The following MYLK variants were observed in gnomAD, a reference collection of about 807,000 sequenced individuals.
MYLK encodes the protein myosin light chain kinase, smooth muscle.
In MYLK, 106 loss-of-function variants were observed where a neutral mutation model predicts 203.4. The observed-to-expected ratio is 0.52, with a 90% CI of 0.45 to 0.61. The LOEUF is 0.61. Ranked by LOEUF, MYLK falls within the 20% of genes least tolerant of loss-of-function variation. The pLI, the probability that MYLK is intolerant of heterozygous loss-of-function variation, is 0.00. For synonymous variants in MYLK, 867 were observed against 959.5 expected (o/e 0.90, Z 1.78); for missense variants, 2,072 against 2,442.3 (o/e 0.85, Z 3.20).
chr3:123,834,133 C>T (rs1486202599), intron 2 of MYLK, among the ~76,000 whole-genome samples: 3 of 152,146 alleles, frequency 2.0e-5, no homozygotes, highest in Non-Finnish European at 4.4e-5. Flanking sequence ...GCAACCTCTG[C>T]CTCCCATGTT....
chr3:123,663,403 G>C (rs966442835), intron 23 of MYLK, among the ~76,000 whole-genome samples: 1 of 152,108 alleles, frequency 6.6e-6, no homozygotes, highest in Non-Finnish European at 1.5e-5. Context: ...AATGGGGCGT[G>C]GGGGTGAGGC....
At chr3:123,728,639 C>G (rs1359612361) in intron 11 of MYLK, among the ~76,000 whole-genome samples, 1 of 152,180 alleles carries the variant, frequency 6.6e-6, no homozygotes, top group African/African-American at 2.4e-5. Flanking sequence ...TTGGTAAGAA[C>G]AGCAAGCTAT....
rs376329261 is a variant in MYLK at position 123,648,564 on chromosome 3, C to T, written c.4415+407G>A. Among the ~76,000 whole-genome samples, 7 of 152,264 alleles carry T rather than the reference C, an allele frequency of 4.6e-5. No homozygotes were observed. Among genetic ancestry groups the T allele is most frequent in the African/African-American group, 1.7e-4 (7 of 41,542 alleles). On this transcript the variant is annotated intron_variant, in intron 26 of 33. Coordinates refer to ENST00000360304, the MANE Select transcript of MYLK (RefSeq NM_053025.4). The surrounding 1 kb of genome is among the most constrained non-coding windows in gnomAD (Gnocchi z 4.5). Reference sequence around the variant, plus strand: ...ACGTGTGCCATGGTGGTTTGCTGCACCTAACACCCCACCATCTAGGTATTA... The same window carrying T: ...ACGTGTGCCATGGTGGTTTGCTGCATCTAACACCCCACCATCTAGGTATTA...
At position 123,640,588 on chromosome 3, in the gene MYLK, G is replaced by T. The variant is rs1028175198; in HGVS notation, c.4620-84C>A. 5.5e-6 allele frequency: 8 copies of T among 1,466,514 alleles called. No homozygotes were observed. Among genetic ancestry groups the T allele is most frequent in the Non-Finnish European group, 7.6e-6 (8 of 1,053,036 alleles). 90.8% of individuals were successfully genotyped at this position (1,466,514 alleles called of 1,614,324 possible). ...GGGAGTCTGGCCAGGGTAGGCTGGG[G>T]GTAGGAGAAATTGGCAGGAAAGCCC... On this transcript the variant is annotated intron_variant, in intron 27 of 33. Transcript: ENST00000360304. The surrounding 1 kb of genome is among the most constrained non-coding windows in gnomAD (Gnocchi z 4.3).
intron 2 of MYLK, among the ~76,000 whole-genome samples, chr3:123,861,658 C>A (rs928887297): frequency 1.3e-5 from 2 of 152,192 alleles, no homozygotes; most frequent in African/African-American, 4.8e-5. Flanking sequence ...GTGTGTCATT[C>A]ACTAACTACA....
chr3:123,770,481 C>T lies in MYLK; in HGVS notation c.166-17943G>A, dbSNP rs1258250398. ...CTTTTAAACATTATTTAACCTTAAG[C>T]CATATTAACAGAGCATGGTGTCCAC... On this transcript the variant is annotated intron_variant, in intron 4 of 33. Transcript: ENST00000360304. Among the ~76,000 whole-genome samples the T allele has an allele frequency of 3.3e-5, 5 of 152,280 alleles. No individual in the cohort carries two copies. The East Asian group carries it at 7.7e-4, about 24-fold the overall frequency.
In MYLK at chr3:123,879,396, G is replaced by A. The variant is rs113841435; in HGVS notation, c.-185-2779C>T. 9.0e-3 allele frequency among the ~76,000 whole-genome samples: 1,370 copies of A among 152,108 alleles called. 3 individuals carry two copies. Among genetic ancestry groups the A allele is most frequent in the African/African-American group, 0.016 (665 of 41,506 alleles). On this transcript the variant is annotated intron_variant, in intron 1 of 33. Coordinates refer to ENST00000360304, the MANE Select transcript of MYLK (RefSeq NM_053025.4). Reference sequence around the variant, plus strand: ...AAGGAGCTAACAGCCTTCAGACACCGGAGCCAAATGTTCCTGCCTTCCTCT... The same window carrying A: ...AAGGAGCTAACAGCCTTCAGACACCAGAGCCAAATGTTCCTGCCTTCCTCT...
rs1022369732 is a variant in MYLK at position 123,629,248 on chromosome 3, G to A, written c.5114+226C>T. ...AAGTCAGGTGTCTGAGCCTCTGAAGGTGAATCCCATGTCTAGCTCCAGGGG... is the reference window on the plus strand; with the variant it reads ...AAGTCAGGTGTCTGAGCCTCTGAAGATGAATCCCATGTCTAGCTCCAGGGG... On this transcript the variant is annotated intron_variant, in intron 30 of 33. Coordinates refer to ENST00000360304, the MANE Select transcript of MYLK (RefSeq NM_053025.4). This position sits in a 1 kb window ranked among gnomAD's most constrained non-coding sequence, Gnocchi z 4.4. Among the ~76,000 whole-genome samples, 66 of 152,188 alleles carry A rather than the reference G, an allele frequency of 4.3e-4. No homozygotes were observed. The highest frequency in any genetic ancestry group is 1.6e-3 in the African/African-American group (65 of 41,454).
At chr3:123,673,860 C>A (rs2059994814) in intron 20 of MYLK, among the ~76,000 whole-genome samples, 1 of 152,192 alleles carries the variant, frequency 6.6e-6, no homozygotes, top group Non-Finnish European at 1.5e-5. Context: ...ATGGGACAGG[C>A]AGGGAGGGCA....
intron 2 of MYLK, among the ~76,000 whole-genome samples, chr3:123,849,156 T>C (rs2030429414): frequency 1.3e-5 from 2 of 152,098 alleles, no homozygotes; most frequent in South Asian, 4.1e-4. Flanking sequence ...TTGTATTTTT[T>C]GTGGAGGCAG....
intron 4 of MYLK, among the ~76,000 whole-genome samples, chr3:123,759,430 T>C (rs1329578289): frequency 6.6e-6 from 1 of 152,168 alleles, no homozygotes; most frequent in Non-Finnish European, 1.5e-5. Context: ...TCAGACATAT[T>C]AAGTATTAAT....
At chr3:123,688,501 T>TC (rs528162412) in intron 19 of MYLK, among the ~76,000 whole-genome samples, 16 of 152,274 alleles carry the variant, frequency 1.1e-4, no homozygotes, top group Middle Eastern at 3.4e-3. Flanking sequence ...CCCATTGTGC[T>TC]CCCTGCTTTC....
Position 123,814,953 on chromosome 3 carries a change from TG to T in MYLK, c.-4+16594del, listed in dbSNP as rs1560252849. On this transcript the variant is annotated intron_variant, in intron 3 of 33. Coordinates refer to ENST00000360304, the MANE Select transcript of MYLK (RefSeq NM_053025.4). ...GACTACAGGCACCTGACACCATGCC[TG>T]GCTAATTTTTGTATTTTTAGTAGAG... Among the ~76,000 whole-genome samples, 5 of 151,984 alleles carry T rather than the reference TG, an allele frequency of 3.3e-5. No individual in the cohort carries two copies. The South Asian group carries it at 1.0e-3, about 32-fold the overall frequency.
intron 4 of MYLK, among the ~76,000 whole-genome samples, chr3:123,788,976 A>G (rs980131631): frequency 1.3e-5 from 2 of 152,152 alleles, no homozygotes; most frequent in African/African-American, 2.4e-5. Flanking sequence ...ATTCCAGGGT[A>G]GAAGGGAAGA....
chr3:123,824,985 C>A (rs2066063398), intron 3 of MYLK, among the ~76,000 whole-genome samples: 1 of 151,798 alleles, frequency 6.6e-6, no homozygotes, highest in African/African-American at 2.4e-5. Flanking sequence ...CCCATCTCTA[C>A]AAAGAATTCA....
intron 31 of MYLK, chr3:123,621,804 G>GC (rs1433140976): frequency 1.3e-5 from 2 of 152,366 alleles, no homozygotes; most frequent in African/African-American, 4.8e-5. Flanking sequence ...TATGTTTCTG[G>GC]CCTCTGCCAC....
At chr3:123,811,844 T>C (rs16834766) in intron 3 of MYLK, among the ~76,000 whole-genome samples, 1,574 of 152,244 alleles carry the variant, frequency 0.01, 23 homozygotes, top group African/African-American at 0.034. Flanking sequence ...GTGTGATTGA[T>C]TAGGCCAGAA....
At chr3:123,722,054 C>A (rs1331733468) in intron 13 of MYLK, 74 bp downstream of exon 13, 7 of 1,539,402 alleles carry the variant, frequency 4.5e-6, no homozygotes, top group African/African-American at 4.1e-5. Context: ...CCATTTTCTA[C>A]AAATGTGCCC....
rs1368597466 is a variant in MYLK, at chr3:123,827,261, A to T, written c.-4+4287T>A. 2.6e-5 allele frequency among the ~76,000 whole-genome samples: 4 copies of T among 152,336 alleles called. No homozygotes were observed. The East Asian group carries it at 7.7e-4, about 29-fold the overall frequency. On this transcript the variant is annotated intron_variant, in intron 3 of 33. Coordinates refer to ENST00000360304, the MANE Select transcript of MYLK (RefSeq NM_053025.4). ...AATAAAAATTAGCAGAAAACTTCCT[A>T]AGTCTTAGGGGAGAGATGGACATTC...
Sources: gnomAD v4.1 joint callset for allele counts (sites outside exome capture counted in the v4.1 genomes callset) on GRCh38, gnomAD v4.1.1 for gene constraint, Gnocchi (gnomAD v3.1) non-coding constraint, MANE v1.5 for transcripts, NCBI Gene and HGNC (gene_info 2026-07-23, HGNC 2026-07-21) for gene names.